The following SEPTIN8 variants were observed in gnomAD, a reference collection of about 807,000 sequenced individuals.
The protein encoded by SEPTIN8 is septin 8.
Under a neutral mutation model 53.1 loss-of-function variants are expected in SEPTIN8, and 22 were observed. That is an observed-to-expected ratio of 0.41 (90% confidence interval 0.30 to 0.59). The LOEUF is 0.59. Ranked by LOEUF, SEPTIN8 falls within the 20% of genes least tolerant of loss-of-function variation. SEPTIN8 has a pLI of 0.24. For missense variants in SEPTIN8, 536 were observed against 638.7 expected, an observed-to-expected ratio of 0.84 and a Z score of 1.73; for synonymous variants, 228 against 248.4, an observed-to-expected ratio of 0.92 and a Z score of 0.77.
chr5:132,774,050 G>A (rs30527), intron 1 of SEPTIN8: 56,228 of 158,716 alleles, frequency 0.35, 16,587 homozygotes, highest in African/African-American at 0.79. Flanking sequence ...GCTACTGGCC[G>A]TTTTTACAAG....
intron 1 of SEPTIN8, among the ~76,000 whole-genome samples, chr5:132,770,936 A>G (rs1437770480): frequency 6.6e-6 from 1 of 152,220 alleles, no homozygotes; most frequent in Non-Finnish European, 1.5e-5. Context: ...TTGGCTCCTG[A>G]GCCAGGCCCC....
At chr5:132,770,708 C>G (rs1203353099) in intron 1 of SEPTIN8, among the ~76,000 whole-genome samples, 1 of 152,172 alleles carries the variant, frequency 6.6e-6, no homozygotes, top group Non-Finnish European at 1.5e-5. Flanking sequence ...TGGGGAGGAG[C>G]CTTCAGGCAG....
Position 132,776,828 on chromosome 5 carries a change from G to A in SEPTIN8, c.30+280C>T, listed in dbSNP as rs985000683. Among the ~76,000 whole-genome samples the A allele has an allele frequency of 6.6e-6, 1 of 152,130 alleles. No individual in the cohort carries two copies. Among genetic ancestry groups the A allele is most frequent in the Non-Finnish European group, 1.5e-5 (1 of 68,022 alleles). ...CGCCACTCTATCTTCGCACCTGCCC[G>A]GAGCCAGGCGGGTCTTTGCTCCTTC... On this transcript the variant is annotated intron_variant, in intron 1 of 9. Coordinates refer to ENST00000378719, the MANE Select transcript of SEPTIN8 (RefSeq NM_001098811.2). This position sits in a 1 kb window ranked among gnomAD's most constrained non-coding sequence, Gnocchi z 4.4.
Position 132,761,959 on chromosome 5 carries a change from T to G in SEPTIN8, c.697-63A>C. The G allele has an allele frequency of 4.9e-6, 7 of 1,430,446 alleles. No homozygotes were observed. Among genetic ancestry groups the G allele is most frequent in the Non-Finnish European group, 5.7e-6 (6 of 1,050,388 alleles). 88.6% of individuals were successfully genotyped at this position (1,430,446 alleles called of 1,614,324 possible). On this transcript the variant is annotated intron_variant, in intron 5 of 9. Coordinates refer to ENST00000378719, the MANE Select transcript of SEPTIN8 (RefSeq NM_001098811.2). This position sits in a 1 kb window ranked among gnomAD's most constrained non-coding sequence, Gnocchi z 5.8. ...ACACAGACTAATGGCAGACTCTCCCTCCCTGCCCCTGGGTCCTAGGGAGGG... is the reference window on the plus strand; with the variant it reads ...ACACAGACTAATGGCAGACTCTCCCGCCCTGCCCCTGGGTCCTAGGGAGGG...
rs76455349 is a variant in SEPTIN8, at chr5:132,774,495, C to T, written c.30+2613G>A. Reference sequence around the variant, plus strand: ...GCTGCCCGAGGAAGGCAAGAGGCAACACACCCTCCTCAGAGGGCTGCTCCA... The same window carrying T: ...GCTGCCCGAGGAAGGCAAGAGGCAATACACCCTCCTCAGAGGGCTGCTCCA... On this transcript the variant is annotated intron_variant, in intron 1 of 9. Transcript: ENST00000378719. 9.9e-3 allele frequency among the ~76,000 whole-genome samples: 1,513 copies of T among 152,260 alleles called. 23 individuals are homozygous for T. The highest frequency in any genetic ancestry group is 0.034 in the African/African-American group (1,403 of 41,538).
chr5:132,754,887 A>T (rs1005660334), intron 9 of SEPTIN8, among the ~76,000 whole-genome samples: 2 of 152,180 alleles, frequency 1.3e-5, no homozygotes, highest in African/African-American at 2.4e-5. Context: ...AGATGGAAAA[A>T]GCTCAGAGGC....
At chr5:132,767,943 CCACACACACACACACACACACA>C (rs57640097) in intron 1 of SEPTIN8, among the ~76,000 whole-genome samples, 10 of 127,908 alleles carry the variant, frequency 7.8e-5, no homozygotes, top group Non-Finnish European at 9.7e-5. Flanking sequence ...TGTCTGGAAA[CCACACACACACACACACACACA>C]CACACACACA....
Position 132,765,517 on chromosome 5 carries a change from C to G in SEPTIN8, c.43G>C (p.Glu15Gln). 6.2e-7 allele frequency: 1 copy of G among 1,602,662 alleles called. No individual in the cohort carries two copies. The highest frequency in any genetic ancestry group is 8.5e-7 in the Non-Finnish European group (1 of 1,175,412). ...CCGCCCAGGGAGAGGCTCCGGGGCT[C>G]TGGCTCTGCATTCTGCCAAGAGAGA... ...DLERFSNAEPEPRSLSLGGHV... is the reference protein window; with the variant it reads ...DLERFSNAEPQPRSLSLGGHV... Residue 15 changes from glutamate to glutamine, a missense_variant, in exon 2 of 10, where the codon GAG becomes CAG. By Grantham distance (29) the Glu-to-Gln change is conservative (BLOSUM62 2). Coordinates refer to ENST00000378719, the MANE Select transcript of SEPTIN8 (RefSeq NM_001098811.2).
At chr5:132,774,623 C>T (rs1757623015) in intron 1 of SEPTIN8, among the ~76,000 whole-genome samples, 1 of 152,182 alleles carries the variant, frequency 6.6e-6, no homozygotes, top group Admixed American at 6.5e-5. Context: ...GTGTGTACAC[C>T]ATGCTATGTG....
rs754544747 is a variant in SEPTIN8, at chr5:132,750,981, T to A, written c.*1035A>T. ...TGGGACCTCTATATTGGGACGCCGC[T>A]GGACTTCTTGACTATAGTGAGTAAG... On this transcript the variant is annotated 3_prime_UTR_variant, in exon 10 of 10. Transcript: ENST00000378719. The A allele has an allele frequency of 6.2e-7, 1 of 1,614,024 alleles. No homozygotes were observed. Among genetic ancestry groups the A allele is most frequent in the Admixed American group, 1.7e-5 (1 of 59,958 alleles).
Position 132,761,815 on chromosome 5 carries a change from A to G in SEPTIN8, c.778T>C (p.Trp260Arg), listed in dbSNP as rs1012530893. The G allele has an allele frequency of 6.2e-7, 1 of 1,608,868 alleles. No homozygotes were observed. The highest frequency in any genetic ancestry group is 1.3e-5 in the African/African-American group (1 of 74,820). The change falls in exon 6 of 10, where the codon TGG (tryptophan) becomes CGG (arginine). Residue 260 changes from tryptophan (W) to arginine (R), a missense_variant. Trp to Arg is a moderately radical substitution (Grantham distance 101). Transcript: ENST00000378719. The surrounding 1 kb of genome is among the most constrained non-coding windows in gnomAD (Gnocchi z 5.8). ...CCACACTCACCCTGCACCACTCCCC[A>G]GGGGTACTGCCGTGCTCGGACCAGC... ...NKLVRARQYPWGVVQVENENH... is the reference protein window; with the variant it reads ...NKLVRARQYPRGVVQVENENH...
At chr5:132,771,261 A>C (rs1405869437) in intron 1 of SEPTIN8, among the ~76,000 whole-genome samples, 2 of 152,190 alleles carry the variant, frequency 1.3e-5, no homozygotes, top group South Asian at 2.1e-4. Context: ...AGGAACTGGA[A>C]ATCTACTGAA....
At chr5:132,755,066 G>C (rs1755208679) in intron 9 of SEPTIN8, among the ~76,000 whole-genome samples, 1 of 152,082 alleles carries the variant, frequency 6.6e-6, no homozygotes. Context: ...CTGGCTTCCT[G>C]GAGAGTCTCT....
chr5:132,769,989 AT>A (rs1757022383), intron 1 of SEPTIN8, among the ~76,000 whole-genome samples: 1 of 20,940 alleles, frequency 4.8e-5, no homozygotes, highest in South Asian at 1.8e-3. Flanking sequence ...ATACATATAT[AT>A]ATATATATAT....
chr5:132,759,887 A>C (rs888127143), intron 9 of SEPTIN8, among the ~76,000 whole-genome samples: 1 of 152,140 alleles, frequency 6.6e-6, no homozygotes, highest in Non-Finnish European at 1.5e-5. Flanking sequence ...AAGGGTGTGG[A>C]AACAGGCTAT....
intron 1 of SEPTIN8, among the ~76,000 whole-genome samples, chr5:132,767,648 C>T (rs1756738724): frequency 6.6e-6 from 1 of 152,132 alleles, no homozygotes; most frequent in South Asian, 2.1e-4. Flanking sequence ...TTACTGAACA[C>T]AGCCTCCAAC....
intron 9 of SEPTIN8, chr5:132,754,512 C>G: frequency 2.8e-6 from 2 of 717,498 alleles, no homozygotes; most frequent in Non-Finnish European, 2.6e-6. Context: ...GCTGATCCAA[C>G]TCAAACCTCT....
chr5:132,759,947 C>T (rs1405831829), intron 9 of SEPTIN8, among the ~76,000 whole-genome samples: 2 of 152,132 alleles, frequency 1.3e-5, no homozygotes, highest in South Asian at 2.1e-4. Flanking sequence ...CTGACTACTC[C>T]GTTGACTGCA....
At chr5:132,757,087 A>G (rs973630055) in intron 9 of SEPTIN8, 5 of 985,280 alleles carry the variant, frequency 5.1e-6, no homozygotes, top group South Asian at 4.7e-5. Flanking sequence ...TCAGTTTTCA[A>G]TTGCAACCAG....
Sources: gnomAD v4.1 joint callset for allele counts (sites outside exome capture counted in the v4.1 genomes callset) on GRCh38, gnomAD v4.1.1 for gene constraint, Gnocchi (gnomAD v3.1) non-coding constraint, MANE v1.5 for transcripts, NCBI Gene and HGNC (gene_info 2026-07-23, HGNC 2026-07-21) for gene names.